Variants in PPP1R12B observed in about 807,000 individuals in gnomAD.
PPP1R12B encodes protein phosphatase 1 regulatory subunit 12B.
In PPP1R12B, 76 loss-of-function variants were observed where a neutral mutation model predicts 126.1. The ratio of observed to expected loss-of-function variants is 0.60; its 90% CI spans 0.50 to 0.73. PPP1R12B has a LOEUF of 0.73. Among genes scored for constraint, PPP1R12B ranks in the 30% least tolerant of loss-of-function variants. The pLI, the probability that PPP1R12B is intolerant of heterozygous loss-of-function variation, is 0.00. For synonymous variants in PPP1R12B, 356 were observed against 434.7 expected (o/e 0.82, Z 2.25); for missense variants, 1,052 against 1,205.1 (o/e 0.87, Z 1.88).
In PPP1R12B at chr1:202,592,402, G is replaced by A. The variant is rs953271524; in HGVS notation, c.*11842G>A. The A allele has an allele frequency of 3.9e-5, 6 of 152,668 alleles. No homozygotes were observed. Among genetic ancestry groups the A allele is most frequent in the Admixed American group, 3.3e-4 (5 of 15,284 alleles). The allele number at this position is 152,668 out of a possible 1,614,324, so 9.5% of individuals were successfully genotyped here. A position where few individuals can be genotyped will look rare whatever the true frequency, so the allele number is the denominator to read the frequency against. On this transcript the variant is annotated 3_prime_UTR_variant, in exon 24 of 24. Transcript: ENST00000608999. ...GGTTTCCCGATGGGAGGAGGCAGGGGTGGGGCTGGGGAACAAAGACTTTAC... is the reference window on the plus strand; with the variant it reads ...GGTTTCCCGATGGGAGGAGGCAGGGATGGGGCTGGGGAACAAAGACTTTAC...
chr1:202,481,078 G>A (rs1363848880), intron 13 of PPP1R12B, among the ~76,000 whole-genome samples: 1 of 152,144 alleles, frequency 6.6e-6, no homozygotes, highest in East Asian at 1.9e-4. Context: ...TAGATTCCTG[G>A]CATGGGCAGC....
chr1:202,385,916 C>G (rs1381083632), intron 1 of PPP1R12B, among the ~76,000 whole-genome samples: 1 of 151,624 alleles, frequency 6.6e-6, no homozygotes, highest in East Asian at 1.9e-4. Context: ...TTGCAAGTGC[C>G]TCAAGAGCTA....
At chr1:202,482,758 T>C (rs1458240690) in intron 13 of PPP1R12B, among the ~76,000 whole-genome samples, 1 of 152,220 alleles carries the variant, frequency 6.6e-6, no homozygotes, top group Non-Finnish European at 1.5e-5. Flanking sequence ...GCAATCTCAT[T>C]TGTCCATTTT....
At chr1:202,470,238 C>G (rs931961955) in intron 13 of PPP1R12B, among the ~76,000 whole-genome samples, 4 of 152,202 alleles carry the variant, frequency 2.6e-5, no homozygotes, top group South Asian at 2.1e-4. Context: ...CTCTCTGCCC[C>G]CTATGGCGGA....
chr1:202,520,291 A>G lies in PPP1R12B; in HGVS notation c.2490+23469A>G, dbSNP rs533924658. 2.0e-5 allele frequency among the ~76,000 whole-genome samples: 3 copies of G among 152,332 alleles called. No homozygotes were observed. In the East Asian group the frequency reaches 5.8e-4, roughly 29 times the overall value. On this transcript the variant is annotated intron_variant, in intron 18 of 23. Transcript: ENST00000608999. The stretch of plus-strand genomic sequence containing the variant: ...GACTTAGTGGTAGAAAATGAACTAG[A>G]ACATTTCTGAATTCCCAGTCCAGCA...
intron 23 of PPP1R12B, among the ~76,000 whole-genome samples, chr1:202,578,966 T>C (rs1218993007): frequency 6.6e-6 from 1 of 152,210 alleles, no homozygotes; most frequent in East Asian, 1.9e-4. Flanking sequence ...CACACTGGGA[T>C]TCAATATTAG....
intron 2 of PPP1R12B, 72 bp from the exon 3 acceptor site, chr1:202,422,548 G>A: frequency 7.1e-7 from 1 of 1,405,754 alleles, no homozygotes; most frequent in Non-Finnish European, 1.0e-6. Context: ...GCTGTGTATT[G>A]AATGCCAGAT....
At chr1:202,467,932 G>A (rs1293868281) in intron 13 of PPP1R12B, among the ~76,000 whole-genome samples, 1 of 152,026 alleles carries the variant, frequency 6.6e-6, no homozygotes, top group Non-Finnish European at 1.5e-5. Context: ...GGTGTGAGAT[G>A]GTATCTCATT....
chr1:202,574,943 G>T, intron 23 of PPP1R12B: 1 of 1,466,744 alleles, frequency 6.8e-7, no homozygotes, highest in South Asian at 1.2e-5. Flanking sequence ...CTCTCCTCTG[G>T]TCTGTCTTGT....
At chr1:202,422,823 T>G (rs1668981129) in intron 3 of PPP1R12B, 85 bp downstream of exon 3, 1 of 1,578,890 alleles carries the variant, frequency 6.3e-7, no homozygotes, top group South Asian at 1.2e-5. Flanking sequence ...TGCAGAGCAT[T>G]TCACTATCAC....
rs1407013918 is a variant in PPP1R12B at position 202,409,304 on chromosome 1, G to A, written c.292-7483G>A. On this transcript the variant is annotated intron_variant, in intron 1 of 23. Transcript: ENST00000608999. ...TTACATTCCCCTGAGCAGTGCACAA[G>A]GATTTTAATTCCTTGCCAACACTTT... Among the ~76,000 whole-genome samples the A allele has an allele frequency of 3.3e-5, 5 of 149,292 alleles. No homozygotes were observed. The East Asian group carries it at 1.0e-3, about 30-fold the overall frequency.
intron 1 of PPP1R12B, among the ~76,000 whole-genome samples, chr1:202,412,663 G>T (rs1209650983): frequency 6.6e-6 from 1 of 152,110 alleles, no homozygotes; most frequent in Admixed American, 6.5e-5. Flanking sequence ...AGGTTTAGAC[G>T]GCACATTTGA....
intron 1 of PPP1R12B, among the ~76,000 whole-genome samples, chr1:202,408,843 C>CTTTTTT (rs35632865): frequency 7.9e-5 from 9 of 113,334 alleles, no homozygotes; most frequent in Non-Finnish European, 1.3e-4. Context: ...TTATTTCTTT[C>CTTTTTT]TTTTTTTTTT....
chr1:202,580,324 G>A (rs183151257), intron 23 of PPP1R12B, 150 bp from the exon 24 acceptor site: 2 of 610,824 alleles, frequency 3.3e-6, no homozygotes, highest in East Asian at 2.8e-5. Flanking sequence ...AGATTGAAGG[G>A]AATTTCATCC....
intron 13 of PPP1R12B, among the ~76,000 whole-genome samples, chr1:202,477,093 A>G (rs902749727): frequency 6.6e-6 from 1 of 152,176 alleles, no homozygotes; most frequent in Non-Finnish European, 1.5e-5. Flanking sequence ...GATGTGATGA[A>G]TATTGTAGCA....
At chr1:202,358,120 A>G (rs1442054376) in intron 1 of PPP1R12B, among the ~76,000 whole-genome samples, 3 of 152,226 alleles carry the variant, frequency 2.0e-5, no homozygotes, top group Non-Finnish European at 2.9e-5. Flanking sequence ...ACATAGTAAT[A>G]ATAAATCCAG....
At chr1:202,549,786 G>A (rs562239039) in intron 18 of PPP1R12B, among the ~76,000 whole-genome samples, 1 of 152,226 alleles carries the variant, frequency 6.6e-6, no homozygotes, top group South Asian at 2.1e-4. Context: ...AGCTCTTTGA[G>A]ATCAAAGAGC....
intron 1 of PPP1R12B, among the ~76,000 whole-genome samples, chr1:202,376,191 T>C (rs1661152851): frequency 6.6e-6 from 1 of 152,256 alleles, no homozygotes; most frequent in Non-Finnish European, 1.5e-5. Flanking sequence ...AATATTTGAT[T>C]TTCTTTCTTA....
At chr1:202,518,620 G>C (rs1558324875) in intron 18 of PPP1R12B, among the ~76,000 whole-genome samples, 1 of 152,224 alleles carries the variant, frequency 6.6e-6, no homozygotes, top group African/African-American at 2.4e-5. Context: ...AGAGACCAGG[G>C]AGAAAGTGAG....
Sources: allele counts gnomAD v4.1 joint callset (sites outside exome capture counted in the v4.1 genomes callset), GRCh38; gene constraint gnomAD v4.1.1; transcripts MANE v1.5; gene names NCBI Gene and HGNC (gene_info 2026-07-23, HGNC 2026-07-21).